The following MAST4 variants were observed in gnomAD, a reference collection of about 807,000 sequenced individuals.
MAST4 encodes microtubule associated serine/threonine kinase family member 4, also known as microtubule-associated serine/threonine-protein kinase 4.
A neutral mutation model predicts 162.7 loss-of-function variants in MAST4; 89 were observed. The observed-to-expected ratio is 0.55, with a 90% CI of 0.46 to 0.65. The LOEUF (loss-of-function observed/expected upper bound fraction) is 0.65, where lower values mean the gene tolerates loss of function less well. Ranked by LOEUF, MAST4 falls within the 30% of genes least tolerant of loss-of-function variation. The pLI is 0.00. For synonymous variants in MAST4, 1,479 were observed against 1,361.1 expected, an observed-to-expected ratio of 1.09 and a Z score of -1.91; for missense variants, 3,153 against 3,374.0, an observed-to-expected ratio of 0.93 and a Z score of 1.62.
At chr5:67,113,953 C>A (rs913537578) in intron 11 of MAST4, 134 bp from the exon 12 acceptor site, 2 of 879,514 alleles carry the variant, frequency 2.3e-6, no homozygotes, top group East Asian at 5.2e-5. Context: ...TTTTTAAAGC[C>A]ATTTGCCTCC....
intron 1 of MAST4, among the ~76,000 whole-genome samples, chr5:66,694,331 A>G (rs1749253287): frequency 6.6e-6 from 1 of 152,176 alleles, no homozygotes; most frequent in Non-Finnish European, 1.5e-5. Flanking sequence ...CTGGCAGCCA[A>G]CAGTCCCTCT....
intron 1 of MAST4, among the ~76,000 whole-genome samples, chr5:66,622,147 A>AT (rs1247046373): frequency 6.6e-6 from 1 of 152,112 alleles, no homozygotes; most frequent in Non-Finnish European, 1.5e-5. Flanking sequence ...ATATTTATAG[A>AT]TTTTGACAGC....
chr5:66,975,311 A>G (rs1254354882), intron 4 of MAST4, among the ~76,000 whole-genome samples: 1 of 152,202 alleles, frequency 6.6e-6, no homozygotes, highest in African/African-American at 2.4e-5. Context: ...CTGCTGCAGG[A>G]AGCAAATGCA....
intron 1 of MAST4, among the ~76,000 whole-genome samples, chr5:66,602,006 AATAC>A (rs1390039645): frequency 1.8e-4 from 27 of 152,334 alleles, no homozygotes; most frequent in South Asian, 1.4e-3. Context: ...ATACCTATGA[AATAC>A]ATACATATGA....
intron 3 of MAST4, among the ~76,000 whole-genome samples, chr5:66,873,280 T>C (rs1002980766): frequency 3.9e-5 from 6 of 152,218 alleles, no homozygotes; most frequent in African/African-American, 1.4e-4. Flanking sequence ...CACGGTTTGC[T>C]GTGTGGATAC....
At position 67,013,298 on chromosome 5, in the gene MAST4, G is replaced by A. The variant is rs1389662444; in HGVS notation, c.675-41106G>A. Among the ~76,000 whole-genome samples the A allele has an allele frequency of 2.0e-5, 3 of 152,184 alleles. No individual in the cohort carries two copies. In the East Asian group the frequency reaches 5.8e-4, roughly 29 times the overall value. ...TTTCTAACCTGACATGGAAGTTCAA[G>A]TGGCAGTATCTTTTAGAGGTAGTAT... is the stretch of plus-strand genomic sequence containing the variant. On this transcript the variant is annotated intron_variant, in intron 4 of 28. Coordinates refer to ENST00000403625, the MANE Select transcript of MAST4 (RefSeq NM_001164664.2).
intron 3 of MAST4, among the ~76,000 whole-genome samples, chr5:66,892,668 G>A (rs1168967016): frequency 6.6e-6 from 1 of 151,706 alleles, no homozygotes; most frequent in African/African-American, 2.4e-5. Context: ...ATCAGTACCA[G>A]CCCTCCCTGC....
intron 2 of MAST4, among the ~76,000 whole-genome samples, chr5:66,774,302 T>G (rs776111927): frequency 6.6e-6 from 1 of 152,254 alleles, no homozygotes; most frequent in Non-Finnish European, 1.5e-5. Context: ...TCAAAGTATT[T>G]TATTTTGGTT....
intron 8 of MAST4, among the ~76,000 whole-genome samples, chr5:67,102,106 A>G (rs1211382223): frequency 6.6e-6 from 1 of 151,624 alleles, no homozygotes; most frequent in Non-Finnish European, 1.5e-5. Context: ...GGCAGACCGC[A>G]GGTGTATGAT....
intron 1 of MAST4, among the ~76,000 whole-genome samples, chr5:66,602,437 C>T: frequency 6.6e-6 from 1 of 151,994 alleles, no homozygotes; most frequent in Non-Finnish European, 1.5e-5. Flanking sequence ...TAACATTTTG[C>T]CAGTGTTTTA....
In MAST4 at chr5:66,684,846, C is replaced by T. The variant is rs147519892; in HGVS notation, c.364-74863C>T. ...CAGCAGTTGATGGTTATTGAGTCAG[C>T]ACCTGCTGCTCAGCGCTTGTGGGAG... On this transcript the variant is annotated intron_variant, in intron 1 of 28. Coordinates refer to ENST00000403625, the MANE Select transcript of MAST4 (RefSeq NM_001164664.2). 4.8e-3 allele frequency among the ~76,000 whole-genome samples: 727 copies of T among 152,302 alleles called. 2 individuals carry two copies. Among genetic ancestry groups the T allele is most frequent in the Non-Finnish European group, 8.2e-3 (555 of 68,028 alleles).
At chr5:67,126,978 C>G (rs1768320949) in intron 14 of MAST4, among the ~76,000 whole-genome samples, 1 of 152,042 alleles carries the variant, frequency 6.6e-6, no homozygotes, top group African/African-American at 2.4e-5. Context: ...AAGTTGTATT[C>G]CTAGGTATTT....
rs901270858 is a variant in MAST4, at chr5:66,992,468, G to A, written c.675-61936G>A. ...CATCATCTACTAAACTCAGACTTCC[G>A]AAGTCATGGGCAGACTTTCCCCATC... On this transcript the variant is annotated intron_variant, in intron 4 of 28. Transcript: ENST00000403625. Among the ~76,000 whole-genome samples, 9 of 137,920 alleles carry A rather than the reference G, an allele frequency of 6.5e-5. 1 individual carries two copies. The highest frequency in any genetic ancestry group is 2.5e-4 in the African/African-American group (9 of 35,582). 90.5% of individuals were successfully genotyped at this position (137,920 alleles called of 152,430 possible).
At chr5:66,876,755 G>T (rs1369825252) in intron 3 of MAST4, among the ~76,000 whole-genome samples, 1 of 152,192 alleles carries the variant, frequency 6.6e-6, no homozygotes, top group East Asian at 1.9e-4. Context: ...GTGTACCCAG[G>T]TGCCTTTTGG....
chr5:66,890,513 G>A (rs533163908), intron 3 of MAST4, among the ~76,000 whole-genome samples: 1 of 152,116 alleles, frequency 6.6e-6, no homozygotes, highest in African/African-American at 2.4e-5. Context: ...GACTTGTTAC[G>A]CTTCTTCTGC....
intron 1 of MAST4, among the ~76,000 whole-genome samples, chr5:66,708,229 T>C (rs1750266175): frequency 1.3e-5 from 2 of 152,150 alleles, no homozygotes; most frequent in Admixed American, 1.3e-4. Flanking sequence ...GAAGATGAGG[T>C]TCGTGCCTTA....
At chr5:66,953,894 C>A (rs1744989369) in intron 4 of MAST4, among the ~76,000 whole-genome samples, 1 of 152,180 alleles carries the variant, frequency 6.6e-6, no homozygotes, top group Admixed American at 6.5e-5. Context: ...CAGCAACCCC[C>A]TTATTCCCTG....
chr5:66,879,478 A>G (rs1385064954), intron 3 of MAST4, among the ~76,000 whole-genome samples: 1 of 151,972 alleles, frequency 6.6e-6, no homozygotes, highest in Non-Finnish European at 1.5e-5. Flanking sequence ...TTTTGCAGCT[A>G]TGCTTTCTGG....
chr5:67,078,841 AATATATTTATATATTTATATAAAT>A (rs1326581608), intron 5 of MAST4, among the ~76,000 whole-genome samples: 3 of 100,848 alleles, frequency 3.0e-5, no homozygotes, highest in Non-Finnish European at 5.5e-5. Context: ...TATATATTTA[AATATATTTATATATTTATATAAAT>A]ATATATTTAT....
Sources: gnomAD v4.1 joint callset for allele counts (sites outside exome capture counted in the v4.1 genomes callset) on GRCh38, gnomAD v4.1.1 for gene constraint, MANE v1.5 for transcripts, NCBI Gene and HGNC (gene_info 2026-07-23, HGNC 2026-07-21) for gene names.